Variants in SRPK2 observed in about 807,000 individuals in gnomAD.
SRPK2 encodes SRSF protein kinase 2.
SRPK2 carries 21 observed loss-of-function variants against 90.8 expected under a neutral mutation model. That is an observed-to-expected ratio of 0.23 (90% CI 0.16 to 0.33). The LOEUF (loss-of-function observed/expected upper bound fraction) is 0.33. Among genes scored for constraint, SRPK2 ranks in the 10% least tolerant of loss-of-function variants. The pLI is 1.00. For missense variants in SRPK2, 620 were observed against 869.0 expected, an observed-to-expected ratio of 0.71 and a Z score of 3.60; for synonymous variants, 288 against 311.1, an observed-to-expected ratio of 0.93 and a Z score of 0.78.
At chr7:105,159,080 A>G (rs1330564107) in intron 7 of SRPK2, among the ~76,000 whole-genome samples, 1 of 152,134 alleles carries the variant, frequency 6.6e-6, no homozygotes, top group Non-Finnish European at 1.5e-5. Context: ...CTAGCATAAT[A>G]CTACATAGAA....
At chr7:105,215,077 T>C (rs1309497528) in intron 2 of SRPK2, among the ~76,000 whole-genome samples, 1 of 152,154 alleles carries the variant, frequency 6.6e-6, no homozygotes, top group Non-Finnish European at 1.5e-5. Context: ...GCCAAGACAA[T>C]TCAATTGGGA....
chr7:105,181,498 C>T (rs1207796193), intron 3 of SRPK2, among the ~76,000 whole-genome samples: 3 of 152,064 alleles, frequency 2.0e-5, no homozygotes, highest in Non-Finnish European at 4.4e-5. Context: ...ATAAAGAAAC[C>T]GTGGTACACA....
At chr7:105,371,265 A>C (rs1004922207) in intron 2 of SRPK2, among the ~76,000 whole-genome samples, 7 of 151,888 alleles carry the variant, frequency 4.6e-5, no homozygotes, top group Non-Finnish European at 1.0e-4. Flanking sequence ...TCAACCAGGC[A>C]TGGTGGCATG....
intron 2 of SRPK2, among the ~76,000 whole-genome samples, chr7:105,233,195 A>G (rs1799731014): frequency 6.6e-6 from 1 of 152,164 alleles, no homozygotes; most frequent in Non-Finnish European, 1.5e-5. Context: ...AGGTCAATTA[A>G]TAGTCTTTGA....
chr7:105,219,954 G>T (rs1279137015), intron 2 of SRPK2, among the ~76,000 whole-genome samples: 1 of 152,156 alleles, frequency 6.6e-6, no homozygotes, highest in Non-Finnish European at 1.5e-5. Flanking sequence ...CTGGTGGCAA[G>T]AACAGGCAAA....
chr7:105,358,462 G>C (rs776294681), intron 2 of SRPK2, among the ~76,000 whole-genome samples: 7 of 152,104 alleles, frequency 4.6e-5, no homozygotes, highest in Non-Finnish European at 8.8e-5. Flanking sequence ...GAAGCAAGTG[G>C]ATCACTTGAG....
At chr7:105,234,822 G>C (rs1799928802) in intron 2 of SRPK2, among the ~76,000 whole-genome samples, 1 of 152,182 alleles carries the variant, frequency 6.6e-6, no homozygotes, top group African/African-American at 2.4e-5. Flanking sequence ...TTCAGTGTGG[G>C]TAAGAAAAGA....
At chr7:105,198,584 A>C (rs1221005892) in intron 3 of SRPK2, among the ~76,000 whole-genome samples, 2 of 152,164 alleles carry the variant, frequency 1.3e-5, no homozygotes. Context: ...ACCCAACATG[A>C]GACACGGTCA....
chr7:105,298,111 C>T (rs1414330499), intron 2 of SRPK2, among the ~76,000 whole-genome samples: 1 of 152,110 alleles, frequency 6.6e-6, no homozygotes, highest in Non-Finnish European at 1.5e-5. Context: ...AGTTGTGTAA[C>T]CACTACCACA....
At chr7:105,233,138 AGGAAGGAAGGAAGGGGAAAG>A (rs1396404065) in intron 2 of SRPK2, among the ~76,000 whole-genome samples, 6 of 145,250 alleles carry the variant, frequency 4.1e-5, no homozygotes, top group Non-Finnish European at 7.6e-5. Context: ...GAAGGAAGGA[AGGAAGGAAGGAAGGGGAAAG>A]GGAAGGAAGG....
At position 105,176,552 on chromosome 7, in the gene SRPK2, CAT is replaced by C. The variant is rs200669601; in HGVS notation, c.230-7289_230-7288del. Among the ~76,000 whole-genome samples, 468 of 131,924 alleles carry C rather than the reference CAT, an allele frequency of 3.5e-3. 15 individuals carry two copies. The East Asian group carries it at 0.065, about 18-fold the overall frequency. The allele number at this position is 131,924 out of a possible 152,430, so 86.5% of individuals were successfully genotyped here. A position where few individuals can be genotyped will look rare whatever the true frequency, so the allele number is the denominator to read the frequency against. On this transcript the variant is annotated intron_variant, in intron 3 of 15. Coordinates refer to ENST00000393651, the MANE Select transcript of SRPK2 (RefSeq NM_182692.3). ...AGCCACAGAGATGTATGTGGTTTTG[CAT>C]ATATGTGTGTGTGTGTGTGTGTGTG...
At chr7:105,265,892 C>A (rs926737935) in intron 2 of SRPK2, among the ~76,000 whole-genome samples, 1 of 152,012 alleles carries the variant, frequency 6.6e-6, no homozygotes, top group African/African-American at 2.4e-5. Context: ...CAATAGCATT[C>A]TCTGCTCTTA....
chr7:105,177,132 G>C, intron 3 of SRPK2, among the ~76,000 whole-genome samples: 1 of 148,170 alleles, frequency 6.7e-6, no homozygotes, highest in African/African-American at 2.5e-5. Context: ...ATTAAATCAG[G>C]AAAAAAAAAC....
At chr7:105,391,003 C>T (rs1439006908), upstream of SRPK2, among the ~76,000 whole-genome samples, 2 of 152,074 alleles carry the variant, frequency 1.3e-5, no homozygotes, top group Non-Finnish European at 2.9e-5. Context: ...GGTACCTTTT[C>T]CCTCTGTATT....
chr7:105,219,578 T>A (rs1797861111), intron 2 of SRPK2, among the ~76,000 whole-genome samples: 1 of 152,248 alleles, frequency 6.6e-6, no homozygotes, highest in African/African-American at 2.4e-5. Context: ...AAGTATGACG[T>A]TAGCTATGTG....
chr7:105,195,344 C>T (rs548215586), intron 3 of SRPK2, among the ~76,000 whole-genome samples: 1 of 152,234 alleles, frequency 6.6e-6, no homozygotes, highest in Non-Finnish European at 1.5e-5. Flanking sequence ...CCACCATGCC[C>T]GGCCTGCTAA....
chr7:105,221,409 C>T (rs1159637483), intron 2 of SRPK2, among the ~76,000 whole-genome samples: 1 of 152,154 alleles, frequency 6.6e-6, no homozygotes, highest in Non-Finnish European at 1.5e-5. Context: ...ATTCTTTCTC[C>T]AGCTACAACA....
At chr7:105,398,287 C>A (rs758035990) in intron 1 of SRPK2, among the ~76,000 whole-genome samples, 101 of 151,784 alleles carry the variant, frequency 6.7e-4, no homozygotes, top group Non-Finnish European at 9.4e-4. Context: ...CATGTTGCAT[C>A]TTAGAAGGTG....
At chr7:105,180,689 T>A (rs576618974) in intron 3 of SRPK2, among the ~76,000 whole-genome samples, 66 of 152,056 alleles carry the variant, frequency 4.3e-4, no homozygotes, top group Non-Finnish European at 7.5e-4. Flanking sequence ...ACCCGGGAGA[T>A]GAAGGTTGCA....
Sources: gnomAD v4.1 joint callset for allele counts (sites outside exome capture counted in the v4.1 genomes callset) on GRCh38, gnomAD v4.1.1 for gene constraint, MANE v1.5 for transcripts, NCBI Gene and HGNC (gene_info 2026-07-23, HGNC 2026-07-21) for gene names.